NHSL2: variants seen among roughly 807,000 people sequenced by gnomAD.
The protein encoded by NHSL2 is NHS-like protein 2.
A neutral mutation model predicts 53.4 loss-of-function variants in NHSL2; 27 were observed. That is an observed-to-expected ratio of 0.51 (90% confidence interval 0.37 to 0.70). The LOEUF (loss-of-function observed/expected upper bound fraction) is 0.70, where lower values mean the gene tolerates loss of function less well. NHSL2 is among the 30% of genes least tolerant of loss of function. NHSL2 has a pLI of 0.00. For missense variants in NHSL2, 892 were observed against 980.1 expected (o/e 0.91, Z 1.20); for synonymous variants, 408 against 404.1 (o/e 1.01, Z -0.12).
rs191487345 is a variant in NHSL2 at position 71,950,991 on chromosome X, C to T, written c.280+39624C>T. Among the ~76,000 whole-genome samples the T allele has an allele frequency of 6.3e-5, 5 of 79,905 alleles. No homozygotes were observed. In the East Asian group the frequency reaches 1.9e-3, roughly 30 times the overall value. 69.4% of individuals were successfully genotyped at this position (79,905 alleles called of 115,157 possible). ...ACATTCCAATGCCACATATTTGGAC[C>T]CCAAAATACAAAATACACACACACA... On this transcript the variant is annotated intron_variant, in intron 1 of 7. Transcript: ENST00000633930.
intron 1 of NHSL2, among the ~76,000 whole-genome samples, chrX:71,955,028 T>G (rs1043594114): frequency 8.9e-6 from 1 of 112,197 alleles, no homozygotes; most frequent in African/African-American, 3.2e-5. Context: ...CACCACTTCC[T>G]TATACAATCC....
At chrX:72,059,500 A>C (rs2042388027) in intron 1 of NHSL2, among the ~76,000 whole-genome samples, 1 of 112,067 alleles carries the variant, frequency 8.9e-6, no homozygotes, top group African/African-American at 3.2e-5. Flanking sequence ...TTTCTTCCCA[A>C]ATACGAGAAA....
chrX:71,993,901 CA>C (rs2042038556), intron 1 of NHSL2, among the ~76,000 whole-genome samples: 1 of 110,036 alleles, frequency 9.1e-6, no homozygotes, highest in South Asian at 3.8e-4. Context: ...AAACCAAAAG[CA>C]TCTGCAAGCC....
At chrX:72,099,357 A>G (rs12688653) in intron 1 of NHSL2, among the ~76,000 whole-genome samples, 22,101 of 103,708 alleles carry the variant, frequency 0.21, 2,817 homozygotes, top group East Asian at 0.51. Flanking sequence ...CCCCTTGTGT[A>G]GGAATTTTTT....
chrX:71,946,711 T>A (rs1426422356), intron 1 of NHSL2, among the ~76,000 whole-genome samples: 1 of 112,355 alleles, frequency 8.9e-6, no homozygotes, highest in Non-Finnish European at 1.9e-5. Flanking sequence ...TAAAAGTTCC[T>A]TATAGCTTTT....
intron 2 of NHSL2, chrX:72,133,807 T>G: frequency 4.4e-6 from 1 of 227,196 alleles, no homozygotes; most frequent in South Asian, 1.1e-4. Context: ...GAGCCTCTTT[T>G]CGTAACTGAG....
intron 1 of NHSL2, chrX:72,129,871 T>C: frequency 1.7e-6 from 2 of 1,202,895 alleles, no homozygotes; most frequent in South Asian, 1.8e-5. Context: ...GTGGCCCCCC[T>C]GTCTCGGAGT....
chrX:72,088,389 G>A (rs748785546), intron 1 of NHSL2, among the ~76,000 whole-genome samples: 22 of 112,479 alleles, frequency 2.0e-4, no homozygotes, highest in Admixed American at 3.8e-4. Context: ...TAACTTTACC[G>A]AGTCTGGAAC....
intron 1 of NHSL2, chrX:72,129,293 A>C (rs9887370): frequency 0.59 from 66,389 of 113,033 alleles, 16,473 homozygotes; most frequent in Non-Finnish European, 0.79. Context: ...TGAGTGTAGG[A>C]TTCTAGGGAC....
chrX:72,151,642 A>G lies in NHSL2; in HGVS notation c.*8068A>G, dbSNP rs1024569167. Reference sequence around the variant, plus strand: ...TCCCCAGACCTATCCTTGTTACCCAATGTGCCTCTGCTTCCCTGGGTTTGG... The same window carrying G: ...TCCCCAGACCTATCCTTGTTACCCAGTGTGCCTCTGCTTCCCTGGGTTTGG... On this transcript the variant is annotated 3_prime_UTR_variant, in exon 8 of 8. Transcript: ENST00000633930. 2.7e-5 allele frequency: 3 copies of G among 111,699 alleles called. No homozygotes were observed. The highest frequency in any genetic ancestry group is 9.8e-5 in the African/African-American group (3 of 30,642). 9.2% of individuals were successfully genotyped at this position (111,699 alleles called of 1,213,427 possible). A position where few individuals can be genotyped will look rare whatever the true frequency, so the allele number is the denominator to read the frequency against.
At chrX:72,049,494 G>A (rs1432181140) in intron 1 of NHSL2, among the ~76,000 whole-genome samples, 2 of 110,539 alleles carry the variant, frequency 1.8e-5, no homozygotes, top group Non-Finnish European at 3.8e-5. Flanking sequence ...TGCCCGGAGT[G>A]GGTGAGACTC....
intron 1 of NHSL2, among the ~76,000 whole-genome samples, chrX:71,984,146 G>A (rs185772230): frequency 7.2e-5 from 8 of 111,236 alleles, no homozygotes; most frequent in East Asian, 5.6e-4. Context: ...AATGAATAGC[G>A]GTGATGATAT....
At chrX:72,100,316 G>T (rs2041981067) in intron 1 of NHSL2, among the ~76,000 whole-genome samples, 1 of 112,204 alleles carries the variant, frequency 8.9e-6, no homozygotes, top group South Asian at 3.7e-4. Flanking sequence ...TGGCTCCAAG[G>T]CTACAAACCC....
At position 71,940,759 on chromosome X, in the gene NHSL2, T is replaced by TG. The variant is rs200283303; in HGVS notation, c.280+29393dup. Among the ~76,000 whole-genome samples the TG allele has an allele frequency of 4.6e-3, 503 of 109,889 alleles. 2 individuals are homozygous for TG. The highest frequency in any genetic ancestry group is 0.016 in the African/African-American group (492 of 30,118). ...TGTGGCAAGGCTGGGGGTTTGTAGATGATAGAAGTGCTCAGAGAGCCACTG... is the reference window on the plus strand; with the variant it reads ...TGTGGCAAGGCTGGGGGTTTGTAGATGGATAGAAGTGCTCAGAGAGCCACTG... On this transcript the variant is annotated intron_variant, in intron 1 of 7. Coordinates refer to ENST00000633930, the MANE Select transcript of NHSL2 (RefSeq NM_001013627.3).
intron 1 of NHSL2, among the ~76,000 whole-genome samples, chrX:72,068,463 A>G (rs1325349129): frequency 2.7e-5 from 3 of 111,928 alleles, no homozygotes; most frequent in Non-Finnish European, 5.6e-5. Flanking sequence ...GAGCAGTACC[A>G]CCACTCGCCT....
intron 1 of NHSL2, among the ~76,000 whole-genome samples, chrX:72,091,230 G>A (rs1412020536): frequency 8.0e-5 from 9 of 112,121 alleles, no homozygotes; most frequent in Middle Eastern, 4.6e-3. Flanking sequence ...GAGACGGGTG[G>A]ATCACCAGGT....
intron 1 of NHSL2, chrX:72,131,361 T>A: frequency 8.3e-7 from 1 of 1,209,378 alleles, no homozygotes; most frequent in Middle Eastern, 2.3e-4. Flanking sequence ...GGACGGGCAC[T>A]ATGGGTACTG....
chrX:72,078,821 G>A (rs189404040), intron 1 of NHSL2, among the ~76,000 whole-genome samples: 3 of 112,333 alleles, frequency 2.7e-5, no homozygotes, highest in East Asian at 5.6e-4. Context: ...TATGGCTTCT[G>A]TACCATGCTG....
chrX:71,911,844 A>G (rs62612091), intron 1 of NHSL2, among the ~76,000 whole-genome samples: 43,132 of 112,206 alleles, frequency 0.38, 7,710 homozygotes, highest in Non-Finnish European at 0.55. Context: ...ACGCGGCGGC[A>G]GGAGCCGGCG....
Sources: gnomAD v4.1 joint callset for allele counts (sites outside exome capture counted in the v4.1 genomes callset) on GRCh38, gnomAD v4.1.1 for gene constraint, MANE v1.5 for transcripts, NCBI Gene and HGNC (gene_info 2026-07-23, HGNC 2026-07-21) for gene names.